The following TRAPPC10 variants were observed in gnomAD, a reference collection of about 807,000 sequenced individuals.
The protein encoded by TRAPPC10 is trafficking protein particle complex subunit 10.
Under a neutral mutation model 125.5 loss-of-function variants are expected in TRAPPC10, and 23 were observed. The observed-to-expected ratio is 0.18, with a 90% CI of 0.13 to 0.26. TRAPPC10 has a LOEUF of 0.26. TRAPPC10 is among the 10% of genes least tolerant of loss of function. TRAPPC10 has a pLI of 1.00. For missense variants in TRAPPC10, 1,123 were observed against 1,308.4 expected, an observed-to-expected ratio of 0.86 and a Z score of 2.19; for synonymous variants, 509 against 518.0, an observed-to-expected ratio of 0.98 and a Z score of 0.24.
At chr21:44,095,559 TTTTTG>T (rs1461451109) in intron 20 of TRAPPC10, among the ~76,000 whole-genome samples, 1 of 146,360 alleles carries the variant, frequency 6.8e-6, no homozygotes. Flanking sequence ...TTTTTTTTGT[TTTTTG>T]TTTTGTTTTG....
chr21:44,074,397 G>C lies in TRAPPC10; in HGVS notation c.1112G>C (p.Gly371Ala). The part of the protein sequence containing the change: ...SCLEVLQRIE[G>A]CCDRAQIDSN... ...CTGGAGGTGTTGCAGAGGATAGAAGGCTGCTGTGACCGGGCACAGATCGAC... is the reference window on the plus strand; with the variant it reads ...CTGGAGGTGTTGCAGAGGATAGAAGCCTGCTGTGACCGGGCACAGATCGAC... The change falls in exon 8 of 23, where the codon GGC (glycine) becomes GCC (alanine). Residue 371 changes from glycine to alanine, a missense_variant. Physicochemically the swap from Gly to Ala is moderately conservative, Grantham distance 60. Transcript: ENST00000291574. 6.2e-7 allele frequency: 1 copy of C among 1,614,240 alleles called. No individual in the cohort carries two copies. Among genetic ancestry groups the C allele is most frequent in the Non-Finnish European group, 8.5e-7 (1 of 1,180,046 alleles).
intron 1 of TRAPPC10, among the ~76,000 whole-genome samples, chr21:44,013,553 G>T (rs754011446): frequency 6.6e-6 from 1 of 152,218 alleles, no homozygotes; most frequent in Non-Finnish European, 1.5e-5. Context: ...TATGTCGTGA[G>T]AACTCCTGTT....
Position 44,086,966 on chromosome 21 carries a change from G to A in TRAPPC10, c.2539+6G>A, listed in dbSNP as rs754920663. 6.2e-7 allele frequency: 1 copy of A among 1,613,740 alleles called. No individual in the cohort carries two copies. Among genetic ancestry groups the A allele is most frequent in the East Asian group, 2.2e-5 (1 of 44,874 alleles). ...GGTCTACTCCAACACGAGAGGTGAG[G>A]TGCCGCCCACCCAGGCCCAAGGAGG... On this transcript the variant is annotated splice_donor_region_variant and intron_variant, in intron 16 of 22. Coordinates refer to ENST00000291574, the MANE Select transcript of TRAPPC10 (RefSeq NM_003274.5).
chr21:44,079,350 C>T (rs1279691392), intron 11 of TRAPPC10: 3 of 517,096 alleles, frequency 5.8e-6, no homozygotes, highest in Admixed American at 3.9e-5. Flanking sequence ...ACCACACGCT[C>T]ATTTCTCAGA....
chr21:44,025,819 GGGGTGT>G lies in TRAPPC10; in HGVS notation c.68-6270_68-6265del, dbSNP rs1467023370. Among the ~76,000 whole-genome samples the G allele has an allele frequency of 4.3e-4, 57 of 132,194 alleles. 1 individual carries two copies. Among genetic ancestry groups the G allele is most frequent in the African/African-American group, 1.5e-3 (52 of 35,218 alleles). The allele number at this position is 132,194 out of a possible 152,430, so 86.7% of individuals were successfully genotyped here. ...TGCTGGGAGAGAGCAGCAGAGGGCA[GGGGTGT>G]GTGTGTGTGTGTGTGTGTGTGTGTG... On this transcript the variant is annotated intron_variant, in intron 1 of 22. Coordinates refer to ENST00000291574, the MANE Select transcript of TRAPPC10 (RefSeq NM_003274.5).
At chr21:44,060,911 T>TACACACACACACAC (rs1230320455) in intron 6 of TRAPPC10, among the ~76,000 whole-genome samples, 22 of 106,464 alleles carry the variant, frequency 2.1e-4, no homozygotes, top group African/African-American at 1.1e-3. Context: ...TATACATACA[T>TACACACACACACAC]ACATACACAC....
chr21:44,069,308 G>A (rs533127309), intron 7 of TRAPPC10, among the ~76,000 whole-genome samples: 1 of 152,188 alleles, frequency 6.6e-6, no homozygotes, highest in African/African-American at 2.4e-5. Context: ...AGGGCGTACT[G>A]TGAAGAACTC....
Position 44,012,468 on chromosome 21 carries a change from G to C in TRAPPC10, c.-26G>C, listed in dbSNP as rs962834806. ...TCGGGGCTGCCCATGGGGCGCGGGGGGCCGGGCCGGTGACGCCGGACGCCC... is the reference window on the plus strand; with the variant it reads ...TCGGGGCTGCCCATGGGGCGCGGGGCGCCGGGCCGGTGACGCCGGACGCCC... On this transcript the variant is annotated 5_prime_UTR_variant, in exon 1 of 23. Transcript: ENST00000291574. The C allele has an allele frequency of 8.3e-6, 12 of 1,446,026 alleles. No homozygotes were observed. The African/African-American group carries it at 1.6e-4, about 20-fold the overall frequency. 89.6% of individuals were successfully genotyped at this position (1,446,026 alleles called of 1,614,324 possible).
At chr21:44,062,782 A>C (rs560902481) in intron 6 of TRAPPC10, 1 of 985,350 alleles carries the variant, frequency 1.0e-6, no homozygotes, top group Admixed American at 6.1e-5. Context: ...AGCTCACGTC[A>C]GTGAAGGGAG....
chr21:44,090,700 C>T (rs1292181828), intron 18 of TRAPPC10, among the ~76,000 whole-genome samples: 2 of 152,150 alleles, frequency 1.3e-5, no homozygotes, highest in Admixed American at 6.5e-5. Flanking sequence ...GATCAATGGG[C>T]TCGGGATGCT....
chr21:44,062,997 G>A, intron 6 of TRAPPC10: 1 of 1,303,774 alleles, frequency 7.7e-7, no homozygotes, highest in Non-Finnish European at 1.0e-6. Context: ...TCGACAAGCA[G>A]TAATTCTTTT....
chr21:44,039,830 C>G (rs901568497), intron 3 of TRAPPC10, among the ~76,000 whole-genome samples: 1 of 152,156 alleles, frequency 6.6e-6, no homozygotes, highest in African/African-American at 2.4e-5. Context: ...TGCTACTGCA[C>G]TCTAGTCTGG....
intron 9 of TRAPPC10, 139 bp downstream of exon 9, chr21:44,075,292 A>G (rs1025689012): frequency 3.2e-6 from 2 of 626,348 alleles, no homozygotes; most frequent in African/African-American, 3.7e-5. Context: ...TTGTTAGCTG[A>G]CTGGATTAAA....
intron 19 of TRAPPC10, 75 bp from the exon 20 acceptor site, chr21:44,093,988 T>G: frequency 6.8e-7 from 1 of 1,467,282 alleles, no homozygotes; most frequent in Non-Finnish European, 9.3e-7. Flanking sequence ...GCATGGCGTG[T>G]GTTTCGCTGC....
chr21:44,057,305 C>CT (rs1161555332), intron 5 of TRAPPC10, among the ~76,000 whole-genome samples: 54 of 146,458 alleles, frequency 3.7e-4, no homozygotes, highest in South Asian at 1.1e-3. Context: ...CTCTCTCTCT[C>CT]TTTTTTTTTT....
intron 3 of TRAPPC10, among the ~76,000 whole-genome samples, chr21:44,043,802 C>T (rs2034582533): frequency 6.6e-6 from 1 of 152,168 alleles, no homozygotes; most frequent in African/African-American, 2.4e-5. Context: ...TGGATTCTCT[C>T]GGGGTGCTTG....
chr21:44,089,460 T>A (rs560368861), intron 17 of TRAPPC10: 1 of 437,794 alleles, frequency 2.3e-6, no homozygotes, highest in African/African-American at 2.0e-5. Context: ...AATACATGAC[T>A]GAAAGCACTT....
intron 5 of TRAPPC10, among the ~76,000 whole-genome samples, chr21:44,056,113 T>G (rs1273525728): frequency 6.6e-6 from 1 of 152,112 alleles, no homozygotes; most frequent in East Asian, 1.9e-4. Context: ...GGGGAGCCTC[T>G]GGGGGCAAAA....
chr21:44,085,007 C>T (rs1013415487), intron 15 of TRAPPC10, among the ~76,000 whole-genome samples: 1 of 152,232 alleles, frequency 6.6e-6, no homozygotes, highest in African/African-American at 2.4e-5. Flanking sequence ...GCTCTCCAGA[C>T]CCTGTCCTTT....
Sources: allele counts gnomAD v4.1 joint callset (sites outside exome capture counted in the v4.1 genomes callset), GRCh38; gene constraint gnomAD v4.1.1; transcripts MANE v1.5; gene names NCBI Gene and HGNC (gene_info 2026-07-23, HGNC 2026-07-21).